Variants in ABR observed in about 807,000 individuals in gnomAD.
ABR encodes active breakpoint cluster region-related protein.
Under a neutral mutation model 107.2 loss-of-function variants are expected in ABR, and 35 were observed. The observed-to-expected ratio is 0.33, with a 90% CI of 0.25 to 0.43. The LOEUF is 0.43. Ranked by LOEUF, ABR falls within the 20% of genes least tolerant of loss-of-function variation. The pLI is 1.00. For synonymous variants in ABR, 498 were observed against 462.0 expected (o/e 1.08, Z -1.00); for missense variants, 815 against 1,115.2 (o/e 0.73, Z 3.83).
At chr17:1,072,128 T>C (rs2151182633) in intron 8 of ABR, among the ~76,000 whole-genome samples, 1 of 152,302 alleles carries the variant, frequency 6.6e-6, no homozygotes, top group Non-Finnish European at 1.5e-5. Context: ...GGTCTCAAAC[T>C]TCTAACTCAA....
intron 1 of ABR, among the ~76,000 whole-genome samples, chr17:1,209,834 CTA>C (rs1567893955): frequency 6.6e-6 from 1 of 152,150 alleles, no homozygotes; most frequent in African/African-American, 2.4e-5. Flanking sequence ...TATAATCACT[CTA>C]AATTTTCTGC....
chr17:1,029,748 G>A (rs934477740), intron 16 of ABR, among the ~76,000 whole-genome samples: 10 of 152,298 alleles, frequency 6.6e-5, no homozygotes, highest in Admixed American at 3.3e-4. Context: ...CTGCTCACCC[G>A]CTGGCCTGCG....
chr17:1,158,274 A>T lies in ABR; in HGVS notation c.61+21393T>A, dbSNP rs1177418422. ...AAATTTGTATTTATTTATTTTTTTTAAAGTAGAGATGGAGTTTCGCCATGT... is the reference window on the plus strand; with the variant it reads ...AAATTTGTATTTATTTATTTTTTTTTAAGTAGAGATGGAGTTTCGCCATGT... On this transcript the variant is annotated intron_variant, in intron 1 of 22. Coordinates refer to ENST00000302538, the MANE Select transcript of ABR (RefSeq NM_021962.5). Among the ~76,000 whole-genome samples, 5 of 151,706 alleles carry T rather than the reference A, an allele frequency of 3.3e-5. No individual in the cohort carries two copies. The East Asian group carries it at 6.0e-4, about 18-fold the overall frequency.
intron 1 of ABR, among the ~76,000 whole-genome samples, chr17:1,142,847 C>A (rs956917267): frequency 4.9e-4 from 74 of 152,306 alleles, no homozygotes; most frequent in Non-Finnish European, 9.1e-4. Context: ...GTAGCAGCCA[C>A]TGGGAGCACA....
At chr17:1,079,031 C>T (rs1252792328) in intron 6 of ABR, 2 of 1,059,212 alleles carry the variant, frequency 1.9e-6, no homozygotes, top group Non-Finnish European at 2.3e-6. Flanking sequence ...AGGCGCGTGG[C>T]GAGGAGAGGA....
intron 10 of ABR, among the ~76,000 whole-genome samples, chr17:1,061,733 G>C (rs1168633025): frequency 1.3e-5 from 2 of 152,072 alleles, no homozygotes; most frequent in African/African-American, 4.8e-5. Flanking sequence ...TTTTCATAGA[G>C]ACGGGGCTTC....
chr17:1,194,144 C>A (rs1598104236), intron 1 of ABR, among the ~76,000 whole-genome samples: 4 of 151,956 alleles, frequency 2.6e-5, no homozygotes, highest in Admixed American at 2.6e-4. Context: ...CCTGGAGGAT[C>A]TCTGGTGGCA....
intron 16 of ABR, among the ~76,000 whole-genome samples, chr17:1,017,758 A>G (rs1056012221): frequency 6.6e-6 from 1 of 151,486 alleles, no homozygotes; most frequent in Non-Finnish European, 1.5e-5. Context: ...GTGAGCCACC[A>G]TGCCTGGCCA....
intron 4 of ABR, among the ~76,000 whole-genome samples, chr17:1,089,126 G>A (rs1462600583): frequency 6.6e-6 from 1 of 151,764 alleles, no homozygotes; most frequent in Non-Finnish European, 1.5e-5. Context: ...TCGAACTCCT[G>A]ACCTCACGAT....
At chr17:1,225,671 G>A (rs9330552) in intron 1 of ABR, among the ~76,000 whole-genome samples, 23,191 of 151,968 alleles carry the variant, frequency 0.15, 2,741 homozygotes, top group African/African-American at 0.32. Flanking sequence ...GAAAAAGAAA[G>A]AAGAAGCAAC....
chr17:1,067,101 G>A lies in ABR; in HGVS notation c.1158C>T (p.Ala386=), dbSNP rs1171195026. 4 of 1,613,524 alleles carry A rather than the reference G, an allele frequency of 2.5e-6. No individual in the cohort carries two copies. Among genetic ancestry groups the A allele is most frequent in the Non-Finnish European group, 3.4e-6 (4 of 1,179,920 alleles). ...ELEDMKMKIS[A]LKSEIQKEKA... is the part of the protein sequence containing the mutation. ...CCTCCTTCTGGATTTCACTCTTGAGGGCAGAGATCTTCATCTTCATGTCCT... is the reference window on the plus strand; with the variant it reads ...CCTCCTTCTGGATTTCACTCTTGAGAGCAGAGATCTTCATCTTCATGTCCT... The change falls in exon 10 of 23, where the codon GCC becomes GCT. Residue 386 remains alanine (A), a synonymous_variant. Transcript: ENST00000302538.
At chr17:1,077,546 G>A (rs2035830312) in intron 6 of ABR, among the ~76,000 whole-genome samples, 1 of 152,150 alleles carries the variant, frequency 6.6e-6, no homozygotes, top group South Asian at 2.1e-4. Context: ...TGGGCCGCAG[G>A]AGAGAGGCTG....
chr17:1,098,148 C>A (rs1017225371), intron 3 of ABR, among the ~76,000 whole-genome samples: 1 of 151,408 alleles, frequency 6.6e-6, no homozygotes, highest in African/African-American at 2.4e-5. Context: ...TCTCTGCTCA[C>A]TGCAAGCTCC....
At chr17:1,159,283 AG>A (rs1567840708) in intron 1 of ABR, among the ~76,000 whole-genome samples, 1,591 of 54,858 alleles carry the variant, frequency 0.029, 64 homozygotes, top group African/African-American at 0.066. Context: ...CACACACGGG[AG>A]AGGTAAGAAT....
intron 16 of ABR, among the ~76,000 whole-genome samples, chr17:1,016,951 C>T (rs368337928): frequency 6.6e-6 from 1 of 152,080 alleles, no homozygotes; most frequent in Non-Finnish European, 1.5e-5. Flanking sequence ...TCCTGCAGCT[C>T]GATGTAGGTC....
At chr17:1,128,186 G>A (rs1426110851) in intron 1 of ABR, among the ~76,000 whole-genome samples, 3 of 152,174 alleles carry the variant, frequency 2.0e-5, no homozygotes, top group Non-Finnish European at 1.5e-5. Flanking sequence ...AACCATGAGA[G>A]CCCAGGAGAC....
intron 10 of ABR, among the ~76,000 whole-genome samples, chr17:1,061,735 CGG>C (rs1567678013): frequency 6.6e-6 from 1 of 152,046 alleles, no homozygotes; most frequent in African/African-American, 2.4e-5. Flanking sequence ...TTCATAGAGA[CGG>C]GGCTTCATGA....
At chr17:1,135,888 C>A (rs2040038189) in intron 1 of ABR, among the ~76,000 whole-genome samples, 1 of 151,920 alleles carries the variant, frequency 6.6e-6, no homozygotes, top group African/African-American at 2.4e-5. Flanking sequence ...AAAAAATAAA[C>A]AAATAAAGTC....
intron 12 of ABR, 102 bp downstream of exon 12, chr17:1,057,868 G>T: frequency 9.3e-7 from 1 of 1,070,598 alleles, no homozygotes; most frequent in Non-Finnish European, 1.4e-6. Flanking sequence ...GGGTGACTGC[G>T]AGGGCCAAAG....
Sources: allele counts gnomAD v4.1 joint callset (sites outside exome capture counted in the v4.1 genomes callset), GRCh38; gene constraint gnomAD v4.1.1; transcripts MANE v1.5; gene names NCBI Gene and HGNC (gene_info 2026-07-23, HGNC 2026-07-21).